SHC4: variants seen among roughly 807,000 people sequenced by gnomAD.
The protein encoded by SHC4 is SHC adaptor protein 4, also known as SHC-transforming protein 4.
Under a neutral mutation model 69.4 loss-of-function variants are expected in SHC4, and 41 were observed. That is an observed-to-expected ratio of 0.59 (90% confidence interval 0.46 to 0.77). The LOEUF (loss-of-function observed/expected upper bound fraction) is 0.77, where lower values mean the gene tolerates loss of function less well. Among genes scored for constraint, SHC4 ranks in the 30% least tolerant of loss-of-function variants. The probability of loss-of-function intolerance (pLI) is 0.00; values close to 1 mark genes in which losing one functional copy is unlikely to be tolerated. For missense variants in SHC4, 777 were observed against 783.8 expected (o/e 0.99, Z 0.10); for synonymous variants, 318 against 299.3 (o/e 1.06, Z -0.64).
intron 1 of SHC4, among the ~76,000 whole-genome samples, chr15:48,943,168 C>T (rs533687821): frequency 6.6e-6 from 1 of 152,280 alleles, no homozygotes; most frequent in Admixed American, 6.5e-5. Flanking sequence ...ATGTTACTAA[C>T]AATAGTCCTC....
intron 4 of SHC4, among the ~76,000 whole-genome samples, chr15:48,874,181 C>T (rs1271009618): frequency 6.6e-6 from 1 of 152,092 alleles, no homozygotes; most frequent in Non-Finnish European, 1.5e-5. Context: ...AGAACAAAGA[C>T]AAAATATTCC....
chr15:48,866,127 AGT>A (rs1284913717), intron 6 of SHC4, among the ~76,000 whole-genome samples: 1 of 152,146 alleles, frequency 6.6e-6, no homozygotes, highest in Non-Finnish European at 1.5e-5. Context: ...TAAGACAAAA[AGT>A]GTTGTTGTTC....
In SHC4 at chr15:48,894,578, C is replaced by T. The variant is rs148685552; in HGVS notation, c.657-3767G>A. 3.9e-3 allele frequency among the ~76,000 whole-genome samples: 599 copies of T among 152,216 alleles called. 2 individuals carry two copies. Among genetic ancestry groups the T allele is most frequent in the African/African-American group, 0.014 (584 of 41,548 alleles). Reference sequence around the variant, plus strand: ...TCTCTCTGCTCCCATTCCAGCTTAGCTTTTAACCCCTCCATCTTTGTAGCC... The same window carrying T: ...TCTCTCTGCTCCCATTCCAGCTTAGTTTTTAACCCCTCCATCTTTGTAGCC... On this transcript the variant is annotated intron_variant, in intron 2 of 11. Coordinates refer to ENST00000332408, the MANE Select transcript of SHC4 (RefSeq NM_203349.4).
intron 10 of SHC4, among the ~76,000 whole-genome samples, chr15:48,836,661 G>A (rs770047009): frequency 3.3e-5 from 5 of 151,946 alleles, no homozygotes; most frequent in Non-Finnish European, 7.4e-5. Flanking sequence ...TTGCAAATGA[G>A]AAATTATCTT....
intron 11 of SHC4, among the ~76,000 whole-genome samples, chr15:48,829,738 G>C (rs995618110): frequency 1.3e-5 from 2 of 152,096 alleles, no homozygotes; most frequent in Non-Finnish European, 2.9e-5. Context: ...GGCGGACATG[G>C]TGAAACCTCG....
At chr15:48,869,093 T>C (rs75896306) in intron 5 of SHC4, among the ~76,000 whole-genome samples, 6,641 of 152,274 alleles carry the variant, frequency 0.044, 287 homozygotes, top group East Asian at 0.22. Flanking sequence ...TAAAATTCTA[T>C]AGCTGTAAAC....
intron 10 of SHC4, among the ~76,000 whole-genome samples, chr15:48,839,891 C>A (rs1456120867): frequency 2.0e-5 from 3 of 152,206 alleles, no homozygotes; most frequent in African/African-American, 7.2e-5. Context: ...CATTACATTA[C>A]AGAACTCCTA....
chr15:48,869,651 C>T (rs575883818), intron 5 of SHC4, among the ~76,000 whole-genome samples: 20 of 152,260 alleles, frequency 1.3e-4, no homozygotes, highest in African/African-American at 4.8e-4. Context: ...AAATAAGTCA[C>T]GTCTACTTGA....
intron 2 of SHC4, among the ~76,000 whole-genome samples, chr15:48,923,560 AC>A (rs58635875): frequency 0.012 from 1,736 of 140,568 alleles, 50 homozygotes; most frequent in East Asian, 0.048. Flanking sequence ...AAAAAAAAAA[AC>A]AAAAAAGAAA....
chr15:48,952,523 C>T (rs549101891), intron 1 of SHC4, among the ~76,000 whole-genome samples: 1 of 152,060 alleles, frequency 6.6e-6, no homozygotes, highest in Non-Finnish European at 1.5e-5. Flanking sequence ...AAAAGTTTTG[C>T]AAACTATGCA....
At chr15:48,878,169 T>C (rs759062812) in intron 4 of SHC4, 1 of 1,543,826 alleles carries the variant, frequency 6.5e-7, no homozygotes, top group Non-Finnish European at 8.8e-7. Flanking sequence ...GGTTGAGCGG[T>C]TTGCACAATG....
chr15:48,962,832 C>T lies in SHC4; in HGVS notation c.184G>A (p.Ala62Thr). The change falls in exon 1 of 12, where the codon GCC becomes ACC. Residue 62 changes from alanine to threonine, a missense_variant. Transcript: ENST00000332408. ...NKGSPQPPHP[A>T]LAPHLPTEDA... is the part of the protein sequence containing the mutation. ...TCAGTCGGCAGGTGAGGTGCCAGGG[C>T]GGGGTGGGGAGGCTGCGGCGAGCCC... 1 of 1,375,124 alleles carries T rather than the reference C, an allele frequency of 7.3e-7. No homozygotes were observed. The highest frequency in any genetic ancestry group is 1.2e-5 in the South Asian group (1 of 86,804). 85.2% of individuals were successfully genotyped at this position (1,375,124 alleles called of 1,614,324 possible).
rs759596338 is a variant in SHC4 at position 48,867,874 on chromosome 15, A to G, written c.895-5T>C. ...GGCAACATAGTCTGTAGTATCCTAT[A>G]AAAAAGGGAAAATGACTGTATTTAA... On this transcript the variant is annotated splice_region_variant and splice_polypyrimidine_tract_variant and intron_variant, in intron 5 of 11. Transcript: ENST00000332408. 3 of 1,609,068 alleles carry G rather than the reference A, an allele frequency of 1.9e-6. No individual in the cohort carries two copies. The highest frequency in any genetic ancestry group is 1.7e-5 in the Admixed American group (1 of 59,754).
chr15:48,849,194 T>C (rs1301466339), intron 9 of SHC4, among the ~76,000 whole-genome samples: 1 of 152,124 alleles, frequency 6.6e-6, no homozygotes, highest in Non-Finnish European at 1.5e-5. Context: ...GCATGCTTAG[T>C]TCTGGTGCCC....
At chr15:48,939,339 A>C (rs1276220590) in intron 1 of SHC4, among the ~76,000 whole-genome samples, 1 of 152,210 alleles carries the variant, frequency 6.6e-6, no homozygotes, top group East Asian at 1.9e-4. Context: ...TATGAAGGGC[A>C]GGCAATGAGA....
At chr15:48,961,385 G>C (rs975818415) in intron 1 of SHC4, among the ~76,000 whole-genome samples, 1 of 152,110 alleles carries the variant, frequency 6.6e-6, no homozygotes, top group Non-Finnish European at 1.5e-5. Context: ...ACTCATACTT[G>C]TTTGAGTACT....
chr15:48,884,211 A>C (rs767753616), intron 4 of SHC4, 37 bp downstream of exon 4: 1 of 1,566,092 alleles, frequency 6.4e-7, no homozygotes, highest in South Asian at 1.2e-5. Flanking sequence ...CTGAAAAAAT[A>C]GATATGTTTA....
chr15:48,829,590 A>T (rs1898756675), intron 11 of SHC4, among the ~76,000 whole-genome samples: 1 of 152,090 alleles, frequency 6.6e-6, no homozygotes, highest in Non-Finnish European at 1.5e-5. Flanking sequence ...TCTTTTTCTA[A>T]ACTTTCACTT....
At chr15:48,830,924 T>C (rs1898787626) in intron 11 of SHC4, among the ~76,000 whole-genome samples, 1 of 152,188 alleles carries the variant, frequency 6.6e-6, no homozygotes, top group African/African-American at 2.4e-5. Flanking sequence ...AAGTTATTGC[T>C]CCTTAAAGAC....
Sources: allele counts gnomAD v4.1 joint callset (sites outside exome capture counted in the v4.1 genomes callset), GRCh38; gene constraint gnomAD v4.1.1; transcripts MANE v1.5; gene names NCBI Gene and HGNC (gene_info 2026-07-23, HGNC 2026-07-21).